The following AFDN variants were observed in gnomAD, a reference collection of about 807,000 sequenced individuals.
The protein encoded by AFDN is afadin, adherens junction formation factor.
AFDN carries 68 observed loss-of-function variants against 216.6 expected under a neutral mutation model. The observed-to-expected ratio is 0.31, with a 90% CI of 0.26 to 0.38. The LOEUF is 0.38. Ranked by LOEUF, AFDN falls within the 10% of genes least tolerant of loss-of-function variation. AFDN has a pLI of 1.00. For synonymous variants in AFDN, 868 were observed against 853.7 expected, an observed-to-expected ratio of 1.02 and a Z score of -0.29; for missense variants, 2,136 against 2,342.0, an observed-to-expected ratio of 0.91 and a Z score of 1.82.
At position 167,962,995 on chromosome 6, in the gene AFDN, A is replaced by G. The variant is rs1033662409; in HGVS notation, c.4968+428A>G. The G allele has an allele frequency of 1.8e-6, 2 of 1,087,914 alleles. No individual in the cohort carries two copies. Among genetic ancestry groups the G allele is most frequent in the Non-Finnish European group, 2.2e-6 (2 of 891,694 alleles). 67.4% of individuals were successfully genotyped at this position (1,087,914 alleles called of 1,614,324 possible). On this transcript the variant is annotated intron_variant, in intron 31 of 33. Transcript: ENST00000683244. The surrounding 1 kb of genome is among the most constrained non-coding windows in gnomAD (Gnocchi z 5.2). The stretch of plus-strand genomic sequence containing the variant: ...CAGTTGGCTGCCATTCAACATTTCA[A>G]ATAGATGGTTTACTCAAATCACTCA...
chr6:167,931,341 AC>A (rs1447830275), intron 23 of AFDN, among the ~76,000 whole-genome samples: 2 of 152,114 alleles, frequency 1.3e-5, no homozygotes, highest in African/African-American at 4.8e-5. Context: ...TGAACATGTC[AC>A]ACTGGAGATG....
At chr6:167,868,621 A>C (rs1784451267) in intron 2 of AFDN, among the ~76,000 whole-genome samples, 1 of 152,058 alleles carries the variant, frequency 6.6e-6, no homozygotes, top group African/African-American at 2.4e-5. Context: ...GGAAAATCAC[A>C]TCTTTCTCTT....
At chr6:167,844,572 T>G (rs1423141009) in intron 1 of AFDN, among the ~76,000 whole-genome samples, 1 of 152,188 alleles carries the variant, frequency 6.6e-6, no homozygotes, top group African/African-American at 2.4e-5. Flanking sequence ...TATACACATA[T>G]CTTTCTATAC....
At chr6:167,834,952 A>G (rs1583084976) in intron 1 of AFDN, among the ~76,000 whole-genome samples, 1 of 152,202 alleles carries the variant, frequency 6.6e-6, no homozygotes, top group East Asian at 1.9e-4. Context: ...ACTGCACTGC[A>G]CTGCAGCCTG....
chr6:167,859,292 C>G (rs1783268972), intron 1 of AFDN, among the ~76,000 whole-genome samples: 1 of 152,162 alleles, frequency 6.6e-6, no homozygotes, highest in African/African-American at 2.4e-5. Flanking sequence ...GGTCAAATGG[C>G]TATTGCCGCC....
At chr6:167,941,807 G>A (rs1172275924) in intron 23 of AFDN, among the ~76,000 whole-genome samples, 2 of 151,924 alleles carry the variant, frequency 1.3e-5, no homozygotes, top group African/African-American at 2.4e-5. Flanking sequence ...AGAGATGTGT[G>A]GACAGACACA....
At chr6:167,959,561 T>TA (rs1338252842) in intron 30 of AFDN, among the ~76,000 whole-genome samples, 1 of 152,168 alleles carries the variant, frequency 6.6e-6, no homozygotes, top group African/African-American at 2.4e-5. Flanking sequence ...GTCTGTAGAG[T>TA]AAAAGGCTTT....
intron 16 of AFDN, 82 bp from the exon 17 acceptor site, chr6:167,914,086 G>C: frequency 6.7e-7 from 1 of 1,487,254 alleles, no homozygotes; most frequent in Non-Finnish European, 9.2e-7. Flanking sequence ...TCTATCTTCA[G>C]CAGCTTTTCA....
intron 6 of AFDN, among the ~76,000 whole-genome samples, chr6:167,884,255 T>C: frequency 6.6e-6 from 1 of 152,178 alleles, no homozygotes; most frequent in East Asian, 1.9e-4. Flanking sequence ...AAATCATCCA[T>C]AGGGTTTGAA....
At chr6:167,908,127 G>A (rs1789941982) in intron 13 of AFDN, among the ~76,000 whole-genome samples, 1 of 152,228 alleles carries the variant, frequency 6.6e-6, no homozygotes, top group South Asian at 2.1e-4. Flanking sequence ...TTTTCAGATA[G>A]ATTTTTGAAG....
chr6:167,962,665 G>A lies in AFDN; in HGVS notation c.4968+98G>A. The A allele has an allele frequency of 1.9e-6, 3 of 1,587,368 alleles. No homozygotes were observed. Among genetic ancestry groups the A allele is most frequent in the Non-Finnish European group, 2.6e-6 (3 of 1,164,268 alleles). On this transcript the variant is annotated intron_variant, in intron 31 of 33. Transcript: ENST00000683244. This position sits in a 1 kb window ranked among gnomAD's most constrained non-coding sequence, Gnocchi z 5.2. ...GGGCTGGAAGTTCTGTGTTTCTTAA[G>A]AAGCACGAGGCAGAGCAGGGCCTGG...
intron 1 of AFDN, among the ~76,000 whole-genome samples, chr6:167,829,484 T>C (rs1177116088): frequency 1.3e-5 from 2 of 152,160 alleles, no homozygotes; most frequent in African/African-American, 4.8e-5. Context: ...TTACTCTATT[T>C]GGCCATCACA....
intron 4 of AFDN, among the ~76,000 whole-genome samples, chr6:167,873,221 A>C (rs1031008520): frequency 6.6e-6 from 1 of 152,224 alleles, no homozygotes; most frequent in Non-Finnish European, 1.5e-5. Context: ...CTGTCATCAC[A>C]TGAACCCAGA....
chr6:167,912,675 G>GC (rs1421138745), intron 15 of AFDN, among the ~76,000 whole-genome samples: 1 of 152,126 alleles, frequency 6.6e-6, no homozygotes, highest in African/African-American at 2.4e-5. Context: ...GACTTACTAA[G>GC]CCTGTTTCGA....
chr6:167,879,117 T>C (rs922283562), intron 5 of AFDN, among the ~76,000 whole-genome samples: 1 of 152,250 alleles, frequency 6.6e-6, no homozygotes, highest in Non-Finnish European at 1.5e-5. Context: ...TGCTTATTGC[T>C]GTTCCTCTGC....
At chr6:167,838,652 G>T (rs1358025571) in intron 1 of AFDN, among the ~76,000 whole-genome samples, 1 of 152,186 alleles carries the variant, frequency 6.6e-6, no homozygotes, top group Non-Finnish European at 1.5e-5. Context: ...CAAATGAAAA[G>T]GGTGAATCTC....
At chr6:167,916,103 A>G (rs763509292) in intron 19 of AFDN, among the ~76,000 whole-genome samples, 3 of 152,206 alleles carry the variant, frequency 2.0e-5, no homozygotes, top group Non-Finnish European at 4.4e-5. Context: ...CTCTGAGGAA[A>G]GGATCTGTTT....
At chr6:167,946,093 C>T (rs914535377) in intron 26 of AFDN, among the ~76,000 whole-genome samples, 3 of 152,192 alleles carry the variant, frequency 2.0e-5, no homozygotes, top group South Asian at 2.1e-4. Flanking sequence ...AACAAAACCT[C>T]GTGTGGTATT....
intron 21 of AFDN, 131 bp from the exon 22 acceptor site, chr6:167,922,724 AG>A: frequency 1.8e-6 from 1 of 559,916 alleles, no homozygotes. Context: ...CAGTTTGCAG[AG>A]GGGATTAAAG....
Sources: gnomAD v4.1 joint callset for allele counts (sites outside exome capture counted in the v4.1 genomes callset) on GRCh38, gnomAD v4.1.1 for gene constraint, Gnocchi (gnomAD v3.1) non-coding constraint, MANE v1.5 for transcripts, NCBI Gene and HGNC (gene_info 2026-07-23, HGNC 2026-07-21) for gene names.